The following PI4K2A variants were observed in gnomAD, a reference collection of about 807,000 sequenced individuals.
PI4K2A encodes the protein phosphatidylinositol 4-kinase type 2 alpha.
Under a neutral mutation model 55.0 loss-of-function variants are expected in PI4K2A, and 20 were observed. That is an observed-to-expected ratio of 0.36 (90% CI 0.26 to 0.53). PI4K2A has a LOEUF of 0.53. PI4K2A is among the 20% of genes least tolerant of loss of function. The pLI is 0.91. For missense variants in PI4K2A, 463 were observed against 637.1 expected (o/e 0.73, Z 2.94); for synonymous variants, 235 against 258.5 (o/e 0.91, Z 0.87).
rs752431428 is a variant in PI4K2A at position 97,648,661 on chromosome 10, C to T, written c.436-2280C>T. On this transcript the variant is annotated intron_variant, in intron 1 of 8. Coordinates refer to ENST00000370631, the Ensembl canonical transcript of PI4K2A. Reference sequence around the variant, plus strand: ...TGTGCCTCAGTTGAACTGACTGTTGCGTTCTGGGACATGCTTCAAGTTGCC... The same window carrying T: ...TGTGCCTCAGTTGAACTGACTGTTGTGTTCTGGGACATGCTTCAAGTTGCC... Among the ~76,000 whole-genome samples the T allele has an allele frequency of 7.9e-5, 12 of 152,308 alleles. No homozygotes were observed. The Middle Eastern group carries it at 0.01, about 130-fold the overall frequency.
intron 8 of PI4K2A, among the ~76,000 whole-genome samples, chr10:97,671,937 A>G (rs895177169): frequency 3.3e-5 from 5 of 152,092 alleles, no homozygotes; most frequent in Admixed American, 2.6e-4. Context: ...TACAGGCATG[A>G]GCTACCACGC....
chr10:97,673,608 GACA>G, exon 9 of PI4K2A: 4 of 1,614,104 alleles, frequency 2.5e-6, no homozygotes, highest in Non-Finnish European at 3.4e-6. Context: ...GGCCTTGAAA[GACA>G]ACAAGAGTCC....
In PI4K2A at chr10:97,650,278, C is replaced by CTTTTTTTTTTT. The variant is rs71007356; in HGVS notation, c.436-657_436-647dup. Among the ~76,000 whole-genome samples the CTTTTTTTTTTT allele has an allele frequency of 7.1e-3, 768 of 108,012 alleles. 19 individuals carry two copies. The highest frequency in any genetic ancestry group is 0.019 in the African/African-American group (461 of 24,090). 70.9% of individuals were successfully genotyped at this position (108,012 alleles called of 152,430 possible). A position where few individuals can be genotyped will look rare whatever the true frequency, so the allele number is the denominator to read the frequency against. On this transcript the variant is annotated intron_variant, in intron 1 of 8. Transcript: ENST00000370631. ...TCTACCACTGAATTGGCTTCTGTACCTTTTTTTTTTTTTTTTGTGAGACAG... is the reference window on the plus strand; with the variant it reads ...TCTACCACTGAATTGGCTTCTGTACCTTTTTTTTTTTTTTTTTTTTTTTTTTTGTGAGACAG...
At chr10:97,641,217 C>T in intron 1 of PI4K2A, 40 bp downstream of exon 1, 1 of 1,492,398 alleles carries the variant, frequency 6.7e-7, no homozygotes, top group Non-Finnish European at 9.1e-7. Context: ...GGGCTGAGGG[C>T]CGGCGGCGCT....
chr10:97,664,934 T>C, exon 6 of PI4K2A: 2 of 1,614,066 alleles, frequency 1.2e-6, no homozygotes, highest in Non-Finnish European at 1.7e-6. Context: ...GTGGCTGCCA[T>C]AGACAATGGG....
At chr10:97,641,647 A>G (rs528559429) in intron 1 of PI4K2A, among the ~76,000 whole-genome samples, 16 of 152,172 alleles carry the variant, frequency 1.1e-4, no homozygotes, top group African/African-American at 2.4e-4. Context: ...CCAGCCTTCT[A>G]TGTTGTGGGG....
intron 5 of PI4K2A, among the ~76,000 whole-genome samples, chr10:97,663,778 C>A (rs2041597551): frequency 6.7e-6 from 1 of 148,742 alleles, no homozygotes; most frequent in Non-Finnish European, 1.5e-5. Context: ...CAAGATCACA[C>A]CATTGCATTC....
chr10:97,645,961 T>C (rs552158595), intron 1 of PI4K2A, among the ~76,000 whole-genome samples: 44 of 152,242 alleles, frequency 2.9e-4, no homozygotes, highest in African/African-American at 1.1e-3. Flanking sequence ...CTCCAACCTA[T>C]ACCATAGAAT....
intron 1 of PI4K2A, among the ~76,000 whole-genome samples, chr10:97,643,405 T>A (rs1428963628): frequency 6.6e-6 from 1 of 151,888 alleles, no homozygotes; most frequent in African/African-American, 2.4e-5. Flanking sequence ...CATGACACTG[T>A]TAGAGCTGCA....
At chr10:97,662,750 T>C (rs1472839162) in intron 4 of PI4K2A, among the ~76,000 whole-genome samples, 157 bp from the exon 5 acceptor site, 2 of 152,186 alleles carry the variant, frequency 1.3e-5, no homozygotes, top group African/African-American at 2.4e-5. Context: ...TATTAAAATC[T>C]CCAGTACCTT....
intron 1 of PI4K2A, among the ~76,000 whole-genome samples, chr10:97,643,698 A>C (rs1286030065): frequency 6.6e-6 from 1 of 152,212 alleles, no homozygotes; most frequent in Admixed American, 6.5e-5. Flanking sequence ...ATTTAGAACA[A>C]AGGGCACTTT....
intron 5 of PI4K2A, 65 bp downstream of exon 5, chr10:97,663,033 A>G (rs533244433): frequency 2.9e-6 from 3 of 1,034,258 alleles, no homozygotes; most frequent in East Asian, 4.7e-5. Flanking sequence ...AACACATAAA[A>G]TGGTCAGAGA....
intron 2 of PI4K2A, among the ~76,000 whole-genome samples, chr10:97,654,650 T>C (rs1171597255): frequency 6.6e-6 from 1 of 152,216 alleles, no homozygotes; most frequent in African/African-American, 2.4e-5. Flanking sequence ...GCTACTGTGT[T>C]AGGTGCTGTG....
exon 9 of PI4K2A, chr10:97,674,734 G>C (rs1400305909): frequency 6.6e-6 from 1 of 152,178 alleles, no homozygotes; most frequent in Non-Finnish European, 1.5e-5. Flanking sequence ...TCTGGGATGA[G>C]TCTTGGCTTC....
chr10:97,646,434 C>T (rs1564773059), intron 1 of PI4K2A, among the ~76,000 whole-genome samples: 1 of 151,970 alleles, frequency 6.6e-6, no homozygotes, highest in Admixed American at 6.6e-5. Flanking sequence ...CCAGGGTGGT[C>T]TCAAACTCCT....
chr10:97,667,117 C>T (rs756478199), exon 8 of PI4K2A: 3 of 1,609,736 alleles, frequency 1.9e-6, no homozygotes, highest in South Asian at 2.2e-5. Context: ...TCATGCGGGG[C>T]CAGGTAAGCC....
At chr10:97,654,034 G>GA in intron 2 of PI4K2A, among the ~76,000 whole-genome samples, 1 of 152,350 alleles carries the variant, frequency 6.6e-6, no homozygotes, top group Non-Finnish European at 1.5e-5. Context: ...CAACTCTTGT[G>GA]ACAGGACTCT....
At chr10:97,640,945 CGGCGGCCCAGGGCCAGACCCAAACCGT>C in exon 1 of PI4K2A, 2 of 1,396,128 alleles carry the variant, frequency 1.4e-6, no homozygotes, top group African/African-American at 1.5e-5. Context: ...GCCCGGGGCG[CGGCGGCCCAGGGCCAGACCCAAACCGT>C]GGCGGCGCAG....
intron 4 of PI4K2A, among the ~76,000 whole-genome samples, chr10:97,660,162 C>T (rs1308459763): frequency 2.0e-5 from 3 of 151,016 alleles, no homozygotes; most frequent in African/African-American, 7.3e-5. Context: ...CTACCACGCC[C>T]GGCTAATTTT....
Sources: allele counts gnomAD v4.1 joint callset (sites outside exome capture counted in the v4.1 genomes callset), GRCh38; gene constraint gnomAD v4.1.1; transcripts MANE v1.5; gene names NCBI Gene and HGNC (gene_info 2026-07-23, HGNC 2026-07-21).